SIK2: variants seen among roughly 807,000 people sequenced by gnomAD.
SIK2 encodes salt inducible kinase 2.
A neutral mutation model predicts 103.2 loss-of-function variants in SIK2; 29 were observed. The observed-to-expected ratio is 0.28, with a 90% CI of 0.21 to 0.38. The LOEUF (loss-of-function observed/expected upper bound fraction) is 0.38, where lower values mean the gene tolerates loss of function less well. Among genes scored for constraint, SIK2 ranks in the 10% least tolerant of loss-of-function variants. The pLI, the probability that SIK2 is intolerant of heterozygous loss-of-function variation, is 1.00. For synonymous variants in SIK2, 412 were observed against 446.1 expected (o/e 0.92, Z 0.96); for missense variants, 879 against 1,171.0 (o/e 0.75, Z 3.64).
rs1943940181 is a variant in SIK2 at position 111,725,595 on chromosome 11, C to CCAT, written c.*1469_*1471dup. On this transcript the variant is annotated 3_prime_UTR_variant, in exon 15 of 15. Coordinates refer to ENST00000304987, the MANE Select transcript of SIK2 (RefSeq NM_015191.3). Reference sequence around the variant, plus strand: ...TTTCTGCCCTTTAGAATGGCTTGTCCCATCAGCAGATGAATGTGTTAAGCA... The same window carrying CCAT: ...TTTCTGCCCTTTAGAATGGCTTGTCCCATCATCAGCAGATGAATGTGTTAAGCA... 2 of 152,608 alleles carry CCAT rather than the reference C, an allele frequency of 1.3e-5. No individual in the cohort carries two copies. Among genetic ancestry groups the CCAT allele is most frequent in the African/African-American group, 4.8e-5 (2 of 41,448 alleles). 9.5% of individuals were successfully genotyped at this position (152,608 alleles called of 1,614,324 possible). A position where few individuals can be genotyped will look rare whatever the true frequency, so the allele number is the denominator to read the frequency against.
At chr11:111,699,207 G>A (rs10502147) in intron 4 of SIK2, among the ~76,000 whole-genome samples, 36,237 of 152,034 alleles carry the variant, frequency 0.24, 4,579 homozygotes, top group Middle Eastern at 0.31. Context: ...CACACTCCTG[G>A]ATACCAAAGG....
chr11:111,634,278 T>C (rs561369801), intron 3 of SIK2, among the ~76,000 whole-genome samples: 2 of 152,186 alleles, frequency 1.3e-5, no homozygotes, highest in Admixed American at 6.5e-5. Context: ...AAAATACCTT[T>C]GGACACTGGT....
At position 111,602,768 on chromosome 11, in the gene SIK2, C is replaced by G; in HGVS notation, c.135+70C>G. 7.0e-7 allele frequency: 1 copy of G among 1,419,414 alleles called. No homozygotes were observed. Among genetic ancestry groups the G allele is most frequent in the South Asian group, 1.5e-5 (1 of 68,356 alleles). The allele number at this position is 1,419,414 out of a possible 1,614,324, so 87.9% of individuals were successfully genotyped here. ...GAGAGGAGCTGCTTACCGAGAGGGG[C>G]GGCCGCAGTGGTGGGACCGGGGAGA... is the stretch of plus-strand genomic sequence containing the variant. On this transcript the variant is annotated intron_variant, in intron 1 of 14. Coordinates refer to ENST00000304987, the MANE Select transcript of SIK2 (RefSeq NM_015191.3). This position sits in a 1 kb window ranked among gnomAD's most constrained non-coding sequence, Gnocchi z 4.5.
Position 111,680,222 on chromosome 11 carries a change from G to A in SIK2, c.317-7779G>A, listed in dbSNP as rs564778371. 2.0e-5 allele frequency among the ~76,000 whole-genome samples: 3 copies of A among 152,128 alleles called. No individual in the cohort carries two copies. In the East Asian group the frequency reaches 5.8e-4, roughly 29 times the overall value. The stretch of plus-strand genomic sequence containing the variant: ...AGATGAGTATAGATTTAGATGTGAG[G>A]ATTGAAAATAATAGCTCTTCAAAAT... On this transcript the variant is annotated intron_variant, in intron 3 of 14. Coordinates refer to ENST00000304987, the MANE Select transcript of SIK2 (RefSeq NM_015191.3).
chr11:111,647,757 A>G (rs1942276841), intron 3 of SIK2, among the ~76,000 whole-genome samples: 1 of 151,642 alleles, frequency 6.6e-6, no homozygotes, highest in Non-Finnish European at 1.5e-5. Context: ...AGTCCCAGCT[A>G]CTTGGGAGGC....
At chr11:111,603,479 C>G (rs572735253) in intron 1 of SIK2, among the ~76,000 whole-genome samples, 1 of 152,190 alleles carries the variant, frequency 6.6e-6, no homozygotes, top group East Asian at 1.9e-4. Context: ...TAAACCATAT[C>G]AGATTCTGCC....
Position 111,727,147 on chromosome 11 carries a change from G to T in SIK2, c.*3018G>T. 9.6e-7 allele frequency: 1 copy of T among 1,041,674 alleles called. No individual in the cohort carries two copies. The highest frequency in any genetic ancestry group is 1.5e-6 in the Non-Finnish European group (1 of 675,364). 64.5% of individuals were successfully genotyped at this position (1,041,674 alleles called of 1,614,324 possible). A position where few individuals can be genotyped will look rare whatever the true frequency, so the allele number is the denominator to read the frequency against. ...ACTGACCGTCCCCAGCTGCCCCCTC[G>T]CCACCTCTGCCTGCACTGCCTTCTG... On this transcript the variant is annotated 3_prime_UTR_variant, in exon 15 of 15. Coordinates refer to ENST00000304987, the MANE Select transcript of SIK2 (RefSeq NM_015191.3).
chr11:111,611,907 A>G (rs1188562648), intron 1 of SIK2, among the ~76,000 whole-genome samples: 1 of 152,254 alleles, frequency 6.6e-6, no homozygotes, highest in Non-Finnish European at 1.5e-5. Flanking sequence ...AATCCTTAAA[A>G]GGAACTATTG....
chr11:111,690,379 T>C (rs1404999676), intron 4 of SIK2, among the ~76,000 whole-genome samples: 3 of 151,144 alleles, frequency 2.0e-5, no homozygotes, highest in African/African-American at 4.9e-5. Flanking sequence ...ACCAAAACAA[T>C]AGCACAAAGG....
chr11:111,680,991 A>G (rs995120912), intron 3 of SIK2, among the ~76,000 whole-genome samples: 1 of 152,250 alleles, frequency 6.6e-6, no homozygotes, highest in South Asian at 2.1e-4. Context: ...GATGATAGTT[A>G]TAGTGACTTA....
intron 3 of SIK2, among the ~76,000 whole-genome samples, chr11:111,687,101 TAGAG>T (rs1055151608): frequency 1.9e-4 from 29 of 152,286 alleles, no homozygotes; most frequent in African/African-American, 5.8e-4. Flanking sequence ...TTTCAACAAA[TAGAG>T]AGAGTACCTA....
intron 3 of SIK2, among the ~76,000 whole-genome samples, chr11:111,668,360 G>T (rs1942578724): frequency 6.6e-6 from 1 of 152,146 alleles, no homozygotes; most frequent in Non-Finnish European, 1.5e-5. Flanking sequence ...TCTTTTGATA[G>T]ATATTTGTTT....
chr11:111,678,706 T>C (rs955729215), intron 3 of SIK2, among the ~76,000 whole-genome samples: 26 of 152,256 alleles, frequency 1.7e-4, no homozygotes, highest in Non-Finnish European at 3.2e-4. Context: ...TTCTTGCTAA[T>C]GTACATTTTA....
At chr11:111,616,913 G>A (rs1941814336) in intron 2 of SIK2, among the ~76,000 whole-genome samples, 1 of 152,010 alleles carries the variant, frequency 6.6e-6, no homozygotes, top group Non-Finnish European at 1.5e-5. Flanking sequence ...ATAAGGATGT[G>A]GCAGTTTTGC....
chr11:111,717,584 A>G (rs1183819362), intron 9 of SIK2, among the ~76,000 whole-genome samples: 1 of 152,192 alleles, frequency 6.6e-6, no homozygotes, highest in African/African-American at 2.4e-5. Context: ...CAGCAATCCC[A>G]TTACTGGGTA....
chr11:111,609,840 A>AATG (rs1473060805), intron 1 of SIK2, among the ~76,000 whole-genome samples: 4 of 152,202 alleles, frequency 2.6e-5, no homozygotes, highest in Admixed American at 2.6e-4. Context: ...TAATTCCACC[A>AATG]ATGATTTGTT....
intron 8 of SIK2, 24 bp from the exon 9 acceptor site, chr11:111,712,187 T>G: frequency 6.2e-7 from 1 of 1,609,158 alleles, no homozygotes; most frequent in Non-Finnish European, 8.5e-7. Context: ...GTTCCCAAAC[T>G]GTCTGTTCTT....
intron 3 of SIK2, among the ~76,000 whole-genome samples, chr11:111,621,845 G>A (rs555814033): frequency 2.6e-5 from 4 of 151,930 alleles, no homozygotes; most frequent in East Asian, 1.9e-4. Context: ...ACTCGGAGGC[G>A]GAGGCTGCAG....
intron 1 of SIK2, among the ~76,000 whole-genome samples, chr11:111,612,016 T>C (rs769024990): frequency 6.6e-6 from 1 of 152,234 alleles, no homozygotes; most frequent in African/African-American, 2.4e-5. Context: ...ATCTTCTTCT[T>C]ACATACCTAT....
Sources: gnomAD v4.1 joint callset for allele counts (sites outside exome capture counted in the v4.1 genomes callset) on GRCh38, gnomAD v4.1.1 for gene constraint, Gnocchi (gnomAD v3.1) non-coding constraint, MANE v1.5 for transcripts, NCBI Gene and HGNC (gene_info 2026-07-23, HGNC 2026-07-21) for gene names.